The following MILR1 variants were observed in gnomAD, a reference collection of about 807,000 sequenced individuals.
MILR1 encodes allergin-1.
A neutral mutation model predicts 18.5 loss-of-function variants in MILR1; 31 were observed. The observed-to-expected ratio is 1.68, with a 90% CI of 1.26 to 2.26. The LOEUF is 2.26. Ranked by LOEUF, MILR1 falls within the 30% of genes most tolerant of loss-of-function variation. The pLI is 0.00. For missense variants in MILR1, 257 were observed against 157.4 expected, an observed-to-expected ratio of 1.63 and a Z score of -3.38; for synonymous variants, 85 against 56.2, an observed-to-expected ratio of 1.51 and a Z score of -2.30.
the MILR1 span, among the ~76,000 whole-genome samples, chr17:64,474,766 A>G: frequency 6.6e-6 from 1 of 152,250 alleles, no homozygotes; most frequent in Admixed American, 6.5e-5. Flanking sequence ...CCTTCTATCA[A>G]TGAGCATTCC....
downstream of MILR1, among the ~76,000 whole-genome samples, chr17:64,473,215 G>A (rs2037716413): frequency 6.6e-6 from 1 of 152,062 alleles, no homozygotes; most frequent in Non-Finnish European, 1.5e-5. Flanking sequence ...GCCGGGCGAG[G>A]TGGCGGGCAC....
chr17:64,485,874 C>A, the MILR1 span: 2 of 1,613,652 alleles, frequency 1.2e-6, no homozygotes, highest in South Asian at 1.1e-5. Flanking sequence ...CGGCCCTTCA[C>A]AGAAAAACAG....
intron 5 of MILR1, among the ~76,000 whole-genome samples, chr17:64,462,579 A>G (rs1452593901): frequency 6.6e-6 from 1 of 152,108 alleles, no homozygotes; most frequent in Non-Finnish European, 1.5e-5. Context: ...AGTATTGAAA[A>G]TATTAGGTTG....
chr17:64,462,643 CT>C (rs1326810820), intron 5 of MILR1, among the ~76,000 whole-genome samples: 5,455 of 142,070 alleles, frequency 0.038, 272 homozygotes, highest in African/African-American at 0.12. Context: ...CCCACAATTA[CT>C]TTTTTTTTTT....
the MILR1 span, among the ~76,000 whole-genome samples, chr17:64,476,018 G>A: frequency 6.6e-6 from 1 of 151,602 alleles, no homozygotes; most frequent in Non-Finnish European, 1.5e-5. Flanking sequence ...TGTTGGCCAG[G>A]CTGGTCTCAA....
At chr17:64,476,467 C>G in the MILR1 span, among the ~76,000 whole-genome samples, 1 of 151,896 alleles carries the variant, frequency 6.6e-6, no homozygotes, top group Admixed American at 6.6e-5. Flanking sequence ...ATCACTTGAG[C>G]CTAGGAGTTT....
the MILR1 span, chr17:64,496,979 A>G: frequency 2.5e-6 from 4 of 1,601,220 alleles, no homozygotes; most frequent in Non-Finnish European, 3.4e-6. Flanking sequence ...CTCTCTCCGA[A>G]GTTAAAGAGC....
chr17:64,482,327 C>CT, the MILR1 span, among the ~76,000 whole-genome samples: 22,631 of 128,498 alleles, frequency 0.18, 5,430 homozygotes, highest in African/African-American at 0.55. Flanking sequence ...AAATTAAAAA[C>CT]TTTTTTTTTT....
downstream of MILR1, chr17:64,468,717 G>T: frequency 1.3e-6 from 1 of 747,108 alleles, no homozygotes; most frequent in Non-Finnish European, 1.7e-6. Context: ...TTTTCCACTG[G>T]TCAGCACTGT....
At chr17:64,489,951 AG>A in the MILR1 span, among the ~76,000 whole-genome samples, 1 of 151,352 alleles carries the variant, frequency 6.6e-6, no homozygotes, top group African/African-American at 2.4e-5. Context: ...TTTGAGACAG[AG>A]TCTCGTTCTG....
chr17:64,473,829 C>T, the MILR1 span, among the ~76,000 whole-genome samples: 178 of 152,068 alleles, frequency 1.2e-3, no homozygotes, highest in East Asian at 0.027. Flanking sequence ...ACTACTGAGG[C>T]AGTCTCAAAA....
chr17:64,491,483 C>T, the MILR1 span: 1 of 1,303,618 alleles, frequency 7.7e-7, no homozygotes, highest in South Asian at 1.2e-5. Context: ...GCAGTCCAGC[C>T]CGGGCAAAAG....
downstream of MILR1, chr17:64,468,724 C>G: frequency 7.1e-6 from 5 of 702,062 alleles, no homozygotes; most frequent in Non-Finnish European, 8.8e-6. Context: ...CTGGTCAGCA[C>G]TGTCCAATAG....
At chr17:64,492,607 ACT>A in the MILR1 span, 1 of 918,216 alleles carries the variant, frequency 1.1e-6, no homozygotes, top group South Asian at 1.4e-5. Flanking sequence ...AAGAATTACC[ACT>A]GACACATTAA....
chr17:64,497,028 A>T, the MILR1 span: 1 of 1,502,248 alleles, frequency 6.7e-7, no homozygotes, highest in Non-Finnish European at 9.2e-7. Flanking sequence ...ACAAGCCACC[A>T]CTACCGTTAA....
At chr17:64,466,884 GA>G (rs1176720488) in intron 8 of MILR1, among the ~76,000 whole-genome samples, 1 of 151,738 alleles carries the variant, frequency 6.6e-6, no homozygotes, top group South Asian at 2.1e-4. Flanking sequence ...GAATGTCATA[GA>G]AAAAAAACCC....
downstream of MILR1, among the ~76,000 whole-genome samples, chr17:64,472,465 CAAAAAAA>C (rs71158332): frequency 0.01 from 139 of 13,878 alleles, no homozygotes; most frequent in African/African-American, 0.021. Flanking sequence ...GACTCCATCT[CAAAAAAA>C]AAAAAAAAAA....
At chr17:64,466,172 A>T (rs540810005) in intron 6 of MILR1, among the ~76,000 whole-genome samples, 1 of 152,302 alleles carries the variant, frequency 6.6e-6, no homozygotes, top group African/African-American at 2.4e-5. Flanking sequence ...ATCTTGTGAG[A>T]ACTAACTCAC....
chr17:64,459,505 A>ATTG (rs1240846930), intron 4 of MILR1, among the ~76,000 whole-genome samples: 1 of 152,188 alleles, frequency 6.6e-6, no homozygotes, highest in African/African-American at 2.4e-5. Context: ...ACACTTGGAC[A>ATTG]TTGACCACTT....
Sources: gnomAD v4.1 joint callset for allele counts (sites outside exome capture counted in the v4.1 genomes callset) on GRCh38, gnomAD v4.1.1 for gene constraint, MANE v1.5 for transcripts, NCBI Gene and HGNC (gene_info 2026-07-23, HGNC 2026-07-21) for gene names.